ST7: variants seen among roughly 807,000 people sequenced by gnomAD.
ST7 encodes suppression of tumorigenicity 7.
ST7 carries 28 observed loss-of-function variants against 78.7 expected under a neutral mutation model. The ratio of observed to expected loss-of-function variants is 0.36; its 90% CI spans 0.26 to 0.49. ST7 has a LOEUF of 0.49. Among genes scored for constraint, ST7 ranks in the 20% least tolerant of loss-of-function variants. The pLI is 0.99. For synonymous variants in ST7, 247 were observed against 249.6 expected, an observed-to-expected ratio of 0.99 and a Z score of 0.10; for missense variants, 418 against 696.0, an observed-to-expected ratio of 0.60 and a Z score of 4.49.
chr7:117,085,740 T>A (rs773492427), intron 1 of ST7, among the ~76,000 whole-genome samples: 1 of 152,176 alleles, frequency 6.6e-6, no homozygotes, highest in African/African-American at 2.4e-5. Context: ...TTCCTCCCGA[T>A]TTTTATGTAG....
At chr7:117,188,903 C>G (rs1809526092) in intron 10 of ST7, among the ~76,000 whole-genome samples, 1 of 152,062 alleles carries the variant, frequency 6.6e-6, no homozygotes, top group Admixed American at 6.6e-5. Flanking sequence ...TTCTTTTAAT[C>G]TAGATTTTTT....
At chr7:116,992,610 CA>C (rs915383023) in intron 1 of ST7, among the ~76,000 whole-genome samples, 4 of 152,304 alleles carry the variant, frequency 2.6e-5, no homozygotes, top group African/African-American at 9.6e-5. Flanking sequence ...GAGGCTGCCG[CA>C]AAGGTCTCTG....
At chr7:117,143,392 A>G (rs1288461954) in intron 9 of ST7, among the ~76,000 whole-genome samples, 3 of 152,270 alleles carry the variant, frequency 2.0e-5, no homozygotes, top group Middle Eastern at 3.4e-3. Flanking sequence ...TTAGAAAACT[A>G]TACTCTTAGT....
chr7:117,012,401 C>T (rs1795424660), intron 1 of ST7, among the ~76,000 whole-genome samples: 1 of 151,722 alleles, frequency 6.6e-6, no homozygotes, highest in South Asian at 2.1e-4. Flanking sequence ...TGGCTCTGAT[C>T]TTAGATAAGT....
chr7:117,019,694 A>G (rs1326479850), intron 1 of ST7, among the ~76,000 whole-genome samples: 2 of 152,250 alleles, frequency 1.3e-5, no homozygotes, highest in Non-Finnish European at 2.9e-5. Context: ...CAGTGTTCTA[A>G]GTACTTAAGA....
chr7:116,992,313 G>T (rs1423990329), intron 1 of ST7, among the ~76,000 whole-genome samples: 1 of 152,198 alleles, frequency 6.6e-6, no homozygotes, highest in Non-Finnish European at 1.5e-5. Context: ...GTGAACTTCT[G>T]CCTGGGCATC....
chr7:117,086,264 T>C (rs1057460862), intron 1 of ST7, among the ~76,000 whole-genome samples: 1 of 152,228 alleles, frequency 6.6e-6, no homozygotes, highest in African/African-American at 2.4e-5. Context: ...TACTCATTTG[T>C]AATACAACTG....
chr7:117,105,586 T>C (rs1434203642), intron 2 of ST7, among the ~76,000 whole-genome samples: 1 of 152,002 alleles, frequency 6.6e-6, no homozygotes, highest in Non-Finnish European at 1.5e-5. Context: ...CTGGCTGAGG[T>C]TTATTAATAG....
intron 1 of ST7, chr7:116,959,440 T>C (rs1278777334): frequency 3.0e-6 from 1 of 333,328 alleles, no homozygotes; most frequent in Non-Finnish European, 5.8e-6. Flanking sequence ...TTCTAGATTC[T>C]AGTTCTTCAT....
At chr7:117,151,312 A>C (rs1264725724) in intron 9 of ST7, among the ~76,000 whole-genome samples, 2 of 152,074 alleles carry the variant, frequency 1.3e-5, no homozygotes, top group Non-Finnish European at 2.9e-5. Context: ...AGCTTATGCT[A>C]CTCTTTTTCT....
intron 1 of ST7, among the ~76,000 whole-genome samples, chr7:117,018,753 G>T (rs916162982): frequency 6.6e-6 from 1 of 152,138 alleles, no homozygotes; most frequent in Non-Finnish European, 1.5e-5. Context: ...GATTAAATGG[G>T]TTTATACATG....
intron 13 of ST7, among the ~76,000 whole-genome samples, chr7:117,216,906 G>A (rs1258911911): frequency 2.0e-5 from 3 of 152,120 alleles, no homozygotes; most frequent in South Asian, 2.1e-4. Flanking sequence ...GTGTACACAT[G>A]CACTCTTTTT....
intron 10 of ST7, among the ~76,000 whole-genome samples, chr7:117,176,579 A>G (rs1437712997): frequency 6.6e-6 from 1 of 152,218 alleles, no homozygotes; most frequent in Non-Finnish European, 1.5e-5. Flanking sequence ...CCAAGGCCTT[A>G]TAACTAGCAC....
At chr7:117,048,962 G>A (rs1445974440) in intron 1 of ST7, among the ~76,000 whole-genome samples, 2 of 152,076 alleles carry the variant, frequency 1.3e-5, no homozygotes, top group Non-Finnish European at 2.9e-5. Flanking sequence ...GTCCAATATC[G>A]AAAGAACTTT....
intron 1 of ST7, among the ~76,000 whole-genome samples, chr7:117,050,051 A>T (rs1332917724): frequency 6.4e-5 from 2 of 31,100 alleles, no homozygotes; most frequent in Non-Finnish European, 2.1e-4. Flanking sequence ...CTAAAAATAC[A>T]AAAAAAAAAA....
rs533391337 is a variant in ST7 at position 117,132,701 on chromosome 7, G to A, written c.641+741G>A. Among the ~76,000 whole-genome samples the A allele has an allele frequency of 5.9e-5, 9 of 151,506 alleles. No individual in the cohort carries two copies. In the South Asian group the frequency reaches 1.9e-3, roughly 31 times the overall value. On this transcript the variant is annotated intron_variant, in intron 6 of 15. Coordinates refer to ENST00000323984, the MANE Select transcript of ST7 (RefSeq NM_001369598.1). ...AGGGAAAAAAAAAAAAGATTGTCGT[G>A]AGAGTTGAAAATCCTGCCATTGTAA...
intron 1 of ST7, among the ~76,000 whole-genome samples, chr7:117,013,301 A>G (rs2115938107): frequency 6.6e-6 from 1 of 152,372 alleles, no homozygotes; most frequent in South Asian, 2.1e-4. Context: ...AAGAAATTAT[A>G]TCAAATTGTT....
At chr7:117,118,724 A>C (rs1334375387) in intron 2 of ST7, among the ~76,000 whole-genome samples, 4 of 152,208 alleles carry the variant, frequency 2.6e-5, no homozygotes, top group African/African-American at 9.6e-5. Context: ...CGCTTTGAGC[A>C]GTGGTAGGAA....
intron 1 of ST7, among the ~76,000 whole-genome samples, chr7:117,059,938 G>T (rs577658606): frequency 1.3e-5 from 2 of 151,808 alleles, no homozygotes; most frequent in East Asian, 1.9e-4. Flanking sequence ...AACCAAGATC[G>T]CACTACCCCA....
Sources: allele counts gnomAD v4.1 joint callset (sites outside exome capture counted in the v4.1 genomes callset), GRCh38; gene constraint gnomAD v4.1.1; transcripts MANE v1.5; gene names NCBI Gene and HGNC (gene_info 2026-07-23, HGNC 2026-07-21).